UBE2U: variants seen among roughly 807,000 people sequenced by gnomAD.
UBE2U encodes the protein ubiquitin conjugating enzyme E2 U.
Under a neutral mutation model 41.2 loss-of-function variants are expected in UBE2U, and 39 were observed. The ratio of observed to expected loss-of-function variants is 0.95; its 90% CI spans 0.73 to 1.24. UBE2U has a LOEUF of 1.24. UBE2U is among the 50% of genes most tolerant of loss of function. The pLI is 0.00. For missense variants in UBE2U, 336 were observed against 363.1 expected (o/e 0.93, Z 0.61); for synonymous variants, 107 against 117.8 (o/e 0.91, Z 0.60).
At chr1:64,234,242 A>G (rs1276232277) in intron 7 of UBE2U, among the ~76,000 whole-genome samples, 2 of 152,076 alleles carry the variant, frequency 1.3e-5, no homozygotes, top group South Asian at 2.1e-4. Flanking sequence ...CTTGCCCCCA[A>G]ATCTATCTTT....
intron 4 of UBE2U, among the ~76,000 whole-genome samples, chr1:64,214,352 C>T (rs1388513093): frequency 6.6e-6 from 1 of 152,112 alleles, no homozygotes; most frequent in Non-Finnish European, 1.5e-5. Context: ...ACTGTGCCTA[C>T]AGTGATGGGC....
intron 8 of UBE2U, among the ~76,000 whole-genome samples, chr1:64,242,956 G>A (rs952577903): frequency 1.2e-4 from 18 of 151,796 alleles, no homozygotes; most frequent in Non-Finnish European, 2.4e-4. Flanking sequence ...TTTGATCATC[G>A]ATTCATTATG....
intron 7 of UBE2U, among the ~76,000 whole-genome samples, chr1:64,239,115 A>G (rs1390874411): frequency 5.2e-3 from 77 of 14,758 alleles, no homozygotes; most frequent in African/African-American, 0.04. Flanking sequence ...GAAGAAGAAG[A>G]AGAAGAAGAA....
rs1557730426 is a variant in UBE2U, at chr1:64,239,136, A to AAGGAGAAGGAGAAGG, written c.596-2514_596-2513insGAGAAGGAGAAGGAG. ...GAAGAAGAAGAAGAAGAAGAAGAAG[A>AAGGAGAAGGAGAAGG]AGAAGAAGAAGAAGAAGAAGAAAGA... On this transcript the variant is annotated intron_variant, in intron 7 of 9. Coordinates refer to ENST00000371077, the MANE Select transcript of UBE2U (RefSeq NM_001366232.2). Among the ~76,000 whole-genome samples the AAGGAGAAGGAGAAGG allele has an allele frequency of 2.4e-3, 68 of 28,352 alleles. 3 individuals are homozygous for AAGGAGAAGGAGAAGG. Among genetic ancestry groups the AAGGAGAAGGAGAAGG allele is most frequent in the African/African-American group, 8.7e-3 (64 of 7,352 alleles). 18.6% of individuals were successfully genotyped at this position (28,352 alleles called of 152,430 possible).
intron 6 of UBE2U, among the ~76,000 whole-genome samples, chr1:64,227,118 C>A (rs1366992320): frequency 6.6e-6 from 1 of 152,094 alleles, no homozygotes; most frequent in African/African-American, 2.4e-5. Flanking sequence ...AACAGAAATT[C>A]CCTTATTTCA....
At position 64,203,858 on chromosome 1, in the gene UBE2U, G is replaced by A; in HGVS notation, c.-193G>A. The A allele has an allele frequency of 9.1e-6, 4 of 437,972 alleles. No homozygotes were observed. Among genetic ancestry groups the A allele is most frequent in the Non-Finnish European group, 1.6e-5 (4 of 244,644 alleles). The allele number at this position is 437,972 out of a possible 1,614,324, so 27.1% of individuals were successfully genotyped here. On this transcript the variant is annotated 5_prime_UTR_variant, in exon 1 of 10. Coordinates refer to ENST00000371077, the MANE Select transcript of UBE2U (RefSeq NM_001366232.2). The stretch of plus-strand genomic sequence containing the variant: ...TCCTTCGGGAAGTTCTCGTTTAGAG[G>A]AGTCAGGAGAAAAAGTCATTGTTAT...
At chr1:64,258,512 C>T (rs4915960) in intron 8 of UBE2U, among the ~76,000 whole-genome samples, 25,504 of 151,144 alleles carry the variant, frequency 0.17, 2,838 homozygotes, top group Non-Finnish European at 0.24. Context: ...TGATGTTCCC[C>T]GCCCCGTGTC....
chr1:64,251,914 T>C, intron 8 of UBE2U, among the ~76,000 whole-genome samples: 1 of 152,158 alleles, frequency 6.6e-6, no homozygotes, highest in South Asian at 2.1e-4. Flanking sequence ...GGGTCCCACT[T>C]TCACAGCACC....
chr1:64,234,272 T>C (rs1644625684), intron 7 of UBE2U, among the ~76,000 whole-genome samples: 1 of 152,226 alleles, frequency 6.6e-6, no homozygotes, highest in Non-Finnish European at 1.5e-5. Flanking sequence ...TTCCCTCTCT[T>C]GGTTAGTGGT....
rs186017051 is a variant in UBE2U at position 64,233,812 on chromosome 1, C to T, written c.595+1163C>T. On this transcript the variant is annotated intron_variant, in intron 7 of 9. Transcript: ENST00000371077. ...CAGTCTGCATACACTTACTGAAATA[C>T]GACTTTGCTTCAGCCATCCTTCTAA... 2.7e-3 allele frequency among the ~76,000 whole-genome samples: 416 copies of T among 152,326 alleles called. 4 individuals are homozygous for T. Among genetic ancestry groups the T allele is most frequent in the African/African-American group, 9.7e-3 (403 of 41,574 alleles).
chr1:64,214,846 C>A lies in UBE2U; in HGVS notation c.371C>A (p.Pro124Gln). The A allele has an allele frequency of 6.2e-7, 1 of 1,614,090 alleles. No homozygotes were observed. Among genetic ancestry groups the A allele is most frequent in the Non-Finnish European group, 8.5e-7 (1 of 1,179,976 alleles). ...VMLSNPVLEN[P>Q]VNLEAARILV... ...CTTTCTAATCCAGTGCTAGAGAATC[C>A]AGTGAATTTGGAAGCAGCCAGAATA... The change falls in exon 5 of 10, where the codon CCA becomes CAA. Residue 124 changes from proline (P) to glutamine (Q), a missense_variant. Pro to Gln is a moderately conservative substitution (Grantham distance 76, BLOSUM62 -1). Transcript: ENST00000371077.
chr1:64,238,230 C>A (rs752191185), intron 7 of UBE2U, among the ~76,000 whole-genome samples: 4 of 151,990 alleles, frequency 2.6e-5, no homozygotes, highest in Non-Finnish European at 4.4e-5. Context: ...CATGGCGAAA[C>A]CCCATCTCTA....
intron 9 of UBE2U, among the ~76,000 whole-genome samples, chr1:64,265,560 C>T (rs919698634): frequency 6.6e-6 from 1 of 152,138 alleles, no homozygotes; most frequent in Admixed American, 6.5e-5. Flanking sequence ...TGTAAACTCA[C>T]ATCTCTCTGT....
chr1:64,239,128 A>AAGAGGAAGAGGAAGAGGAAGAG (rs1557730242), intron 7 of UBE2U, among the ~76,000 whole-genome samples: 1 of 23,370 alleles, frequency 4.3e-5, no homozygotes, highest in African/African-American at 2.4e-4. Context: ...AAGAAGAAGA[A>AAGAGGAAGAGGAAGAGGAAGAG]GAAGAAGAAG....
At chr1:64,233,706 G>A (rs1644613846) in intron 7 of UBE2U, among the ~76,000 whole-genome samples, 1 of 152,334 alleles carries the variant, frequency 6.6e-6, no homozygotes, top group African/African-American at 2.4e-5. Context: ...AAGACAGATT[G>A]AGAGAGCTGG....
At chr1:64,230,348 A>G (rs547775755) in intron 6 of UBE2U, among the ~76,000 whole-genome samples, 11 of 152,308 alleles carry the variant, frequency 7.2e-5, no homozygotes, top group African/African-American at 2.4e-4. Flanking sequence ...ATGGCTGTCT[A>G]TTACCCAACA....
intron 9 of UBE2U, among the ~76,000 whole-genome samples, chr1:64,266,669 T>G (rs1645259961): frequency 6.6e-6 from 1 of 152,194 alleles, no homozygotes; most frequent in African/African-American, 2.4e-5. Context: ...TCTAACAAAC[T>G]GGTCTTCCTG....
Position 64,256,968 on chromosome 1 carries a change from A to C in UBE2U, c.678-3635A>C, listed in dbSNP as rs529217726. Reference sequence around the variant, plus strand: ...ACATGAACAGAAGCTTCTCAAAAGAAGATATACATGCAGCCAACAAACATA... The same window carrying C: ...ACATGAACAGAAGCTTCTCAAAAGACGATATACATGCAGCCAACAAACATA... On this transcript the variant is annotated intron_variant, in intron 8 of 9. Transcript: ENST00000371077. 2.0e-5 allele frequency among the ~76,000 whole-genome samples: 3 copies of C among 152,316 alleles called. No individual in the cohort carries two copies. The East Asian group carries it at 5.8e-4, about 29-fold the overall frequency.
chr1:64,258,756 A>G (rs865836806), intron 8 of UBE2U, among the ~76,000 whole-genome samples: 17 of 152,160 alleles, frequency 1.1e-4, no homozygotes, highest in South Asian at 4.1e-4. Context: ...AGTCTTTGCT[A>G]TTGTGAATAG....
Sources: allele counts gnomAD v4.1 joint callset (sites outside exome capture counted in the v4.1 genomes callset), GRCh38; gene constraint gnomAD v4.1.1; transcripts MANE v1.5; gene names NCBI Gene and HGNC (gene_info 2026-07-23, HGNC 2026-07-21).